The following ZFAT variants were observed in gnomAD, a reference collection of about 807,000 sequenced individuals.
The protein encoded by ZFAT is zinc finger protein ZFAT.
Under a neutral mutation model 117.7 loss-of-function variants are expected in ZFAT, and 64 were observed. That is an observed-to-expected ratio of 0.54 (90% CI 0.44 to 0.67). ZFAT has a LOEUF of 0.67. ZFAT is among the 30% of genes least tolerant of loss of function. The pLI is 0.00. For synonymous variants in ZFAT, 679 were observed against 615.0 expected (o/e 1.10, Z -1.54); for missense variants, 1,433 against 1,584.5 (o/e 0.90, Z 1.62).
chr8:134,534,085 C>A (rs1821637759), intron 11 of ZFAT, among the ~76,000 whole-genome samples: 1 of 152,198 alleles, frequency 6.6e-6, no homozygotes. Context: ...CAAGTCCAGC[C>A]ACACCTCTGG....
intron 15 of ZFAT, among the ~76,000 whole-genome samples, chr8:134,485,321 A>G (rs966393743): frequency 1.3e-5 from 2 of 152,182 alleles, no homozygotes; most frequent in Non-Finnish European, 2.9e-5. Flanking sequence ...CTGCAGTGTC[A>G]GGGTCCACAC....
At chr8:134,647,285 C>T (rs1830954362) in intron 2 of ZFAT, among the ~76,000 whole-genome samples, 1 of 152,080 alleles carries the variant, frequency 6.6e-6, no homozygotes, top group Non-Finnish European at 1.5e-5. Flanking sequence ...ATGATCATCT[C>T]AATAAGTATG....
chr8:134,566,573 G>C (rs931413627), intron 10 of ZFAT, among the ~76,000 whole-genome samples: 2 of 152,204 alleles, frequency 1.3e-5, no homozygotes, highest in Middle Eastern at 3.4e-3. Context: ...GGCCTACTTC[G>C]TATAGCAGTA....
At chr8:134,631,452 C>A (rs1418490704) in intron 3 of ZFAT, among the ~76,000 whole-genome samples, 1 of 152,196 alleles carries the variant, frequency 6.6e-6, no homozygotes, top group Non-Finnish European at 1.5e-5. Context: ...CCCCAACCAG[C>A]CCCAAATGAG....
chr8:134,820,024 G>T, the ZFAT span, among the ~76,000 whole-genome samples: 1 of 152,078 alleles, frequency 6.6e-6, no homozygotes, highest in Admixed American at 6.5e-5. Flanking sequence ...ATATCTTTCT[G>T]GATAATAGAG....
chr8:134,808,734 T>C, the ZFAT span, among the ~76,000 whole-genome samples: 1 of 152,192 alleles, frequency 6.6e-6, no homozygotes, highest in Non-Finnish European at 1.5e-5. Flanking sequence ...TGCTCACACC[T>C]TTTATGTAAC....
chr8:134,541,177 A>G (rs1822225175), intron 11 of ZFAT, among the ~76,000 whole-genome samples: 1 of 152,216 alleles, frequency 6.6e-6, no homozygotes, highest in African/African-American at 2.4e-5. Context: ...ACTGAAATGT[A>G]GTATTACTGA....
the ZFAT span, among the ~76,000 whole-genome samples, chr8:134,789,369 C>T: frequency 1.3e-5 from 2 of 152,176 alleles, no homozygotes; most frequent in African/African-American, 4.8e-5. Context: ...CAAATTTACC[C>T]ACATATTTAC....
At chr8:134,497,507 G>A (rs1419879114) in intron 15 of ZFAT, among the ~76,000 whole-genome samples, 8 of 74,094 alleles carry the variant, frequency 1.1e-4, no homozygotes, top group East Asian at 6.9e-4. Flanking sequence ...GGGTGGAGCC[G>A]GGATGCCCCA....
chr8:134,770,251 AT>A, the ZFAT span, among the ~76,000 whole-genome samples: 6 of 152,208 alleles, frequency 3.9e-5, no homozygotes, highest in African/African-American at 1.2e-4. Flanking sequence ...TACTTCCCTC[AT>A]AAAACTGAAT....
At chr8:134,505,190 C>T (rs371599293) in intron 15 of ZFAT, among the ~76,000 whole-genome samples, 2 of 152,222 alleles carry the variant, frequency 1.3e-5, no homozygotes, top group East Asian at 1.9e-4. Flanking sequence ...CCAATTAAAA[C>T]GTAAGCTTCT....
the ZFAT span, among the ~76,000 whole-genome samples, chr8:134,725,801 A>T: frequency 6.6e-6 from 1 of 151,664 alleles, no homozygotes; most frequent in Admixed American, 6.6e-5. Flanking sequence ...TCCTATGCAC[A>T]TATAAACAGG....
the ZFAT span, among the ~76,000 whole-genome samples, chr8:134,721,016 G>A: frequency 9.9e-5 from 15 of 152,166 alleles, no homozygotes; most frequent in African/African-American, 3.4e-4. Flanking sequence ...GAGACCACGC[G>A]GCAAGCTGGG....
chr8:134,491,072 T>G (rs1818023108), intron 15 of ZFAT, among the ~76,000 whole-genome samples: 1 of 152,236 alleles, frequency 6.6e-6, no homozygotes, highest in African/African-American at 2.4e-5. Context: ...CCATGACTTC[T>G]AAATTTTTCT....
the ZFAT span, among the ~76,000 whole-genome samples, chr8:134,737,257 G>C: frequency 6.6e-6 from 1 of 151,424 alleles, no homozygotes; most frequent in East Asian, 1.9e-4. Flanking sequence ...TCCAGCCTGG[G>C]CAACAAGAGC....
At chr8:134,601,003 T>C (rs112429044) in intron 6 of ZFAT, among the ~76,000 whole-genome samples, 3,187 of 152,220 alleles carry the variant, frequency 0.021, 120 homozygotes, top group African/African-American at 0.072. Flanking sequence ...GGACAGCAGG[T>C]CTGGAGCTGG....
chr8:134,541,526 T>C (rs1267216524), intron 11 of ZFAT, among the ~76,000 whole-genome samples: 2 of 152,092 alleles, frequency 1.3e-5, no homozygotes, highest in Non-Finnish European at 2.9e-5. Context: ...CAGTTTCAAG[T>C]ATTACGTTAT....
At chr8:134,742,342 G>T in the ZFAT span, among the ~76,000 whole-genome samples, 2 of 152,122 alleles carry the variant, frequency 1.3e-5, no homozygotes, top group South Asian at 4.1e-4. Flanking sequence ...TCCCAGAACC[G>T]CTGGGTCAAC....
the ZFAT span, chr8:134,796,623 G>C: frequency 6.6e-6 from 1 of 152,098 alleles, no homozygotes; most frequent in African/African-American, 2.4e-5. Flanking sequence ...TCACTTGACA[G>C]ACTTGTCATG....
Sources: gnomAD v4.1 joint callset for allele counts (sites outside exome capture counted in the v4.1 genomes callset) on GRCh38, gnomAD v4.1.1 for gene constraint, MANE v1.5 for transcripts, NCBI Gene and HGNC (gene_info 2026-07-23, HGNC 2026-07-21) for gene names.